KCNK10: variants seen among roughly 807,000 people sequenced by gnomAD.
KCNK10 encodes the protein potassium channel subfamily K member 10.
A neutral mutation model predicts 47.7 loss-of-function variants in KCNK10; 25 were observed. The observed-to-expected ratio is 0.52, with a 90% CI of 0.38 to 0.73. KCNK10 has a LOEUF of 0.73. Ranked by LOEUF, KCNK10 falls within the 30% of genes least tolerant of loss-of-function variation. The pLI, the probability that KCNK10 is intolerant of heterozygous loss-of-function variation, is 0.00. For missense variants in KCNK10, 563 were observed against 714.5 expected (o/e 0.79, Z 2.42); for synonymous variants, 303 against 285.6 (o/e 1.06, Z -0.61).
At chr14:88,196,293 CAGG>C (rs1432280253) in intron 4 of KCNK10, among the ~76,000 whole-genome samples, 2 of 152,150 alleles carry the variant, frequency 1.3e-5, no homozygotes, top group Non-Finnish European at 2.9e-5. Flanking sequence ...GCTTCGTAAA[CAGG>C]AGGAGAGGGA....
chr14:88,281,463 T>C (rs1015847408), intron 1 of KCNK10, among the ~76,000 whole-genome samples: 3 of 152,186 alleles, frequency 2.0e-5, no homozygotes, highest in Non-Finnish European at 4.4e-5. Flanking sequence ...ATCCTATCGG[T>C]TGGAGGCCTG....
chr14:88,275,981 G>T (rs2139767441), intron 1 of KCNK10, among the ~76,000 whole-genome samples: 1 of 152,266 alleles, frequency 6.6e-6, no homozygotes, highest in African/African-American at 2.4e-5. Flanking sequence ...TAAAGGACAG[G>T]TGCACAGAAC....
intron 3 of KCNK10, among the ~76,000 whole-genome samples, chr14:88,238,860 C>G (rs986365361): frequency 6.6e-6 from 1 of 152,100 alleles, no homozygotes; most frequent in African/African-American, 2.4e-5. Flanking sequence ...CACTGAGAAG[C>G]CACTGCAGGG....
At chr14:88,192,816 T>G (rs1422262322) in intron 4 of KCNK10, among the ~76,000 whole-genome samples, 1 of 152,162 alleles carries the variant, frequency 6.6e-6, no homozygotes, top group Admixed American at 6.5e-5. Context: ...TGAGAATGAG[T>G]TTGGAGCTCT....
At chr14:88,237,316 C>T (rs1886326219) in intron 3 of KCNK10, among the ~76,000 whole-genome samples, 1 of 152,204 alleles carries the variant, frequency 6.6e-6, no homozygotes, top group African/African-American at 2.4e-5. Flanking sequence ...GTGGCATCCT[C>T]TAGTGAAGTC....
intron 1 of KCNK10, among the ~76,000 whole-genome samples, chr14:88,320,767 C>A (rs768880040): frequency 7.9e-5 from 12 of 152,228 alleles, no homozygotes; most frequent in Non-Finnish European, 1.5e-5. Flanking sequence ...CCTACATCCA[C>A]AAGAGCCACA....
chr14:88,235,733 A>G (rs1886282008), intron 3 of KCNK10, among the ~76,000 whole-genome samples: 1 of 152,208 alleles, frequency 6.6e-6, no homozygotes, highest in Admixed American at 6.5e-5. Context: ...GACATAGAAG[A>G]TGAGCAAAGA....
intron 2 of KCNK10, 40 bp downstream of exon 2, chr14:88,263,162 C>A: frequency 6.6e-7 from 1 of 1,524,048 alleles, no homozygotes; most frequent in South Asian, 1.2e-5. Flanking sequence ...CTGCCATCCA[C>A]CCCACCAGCT....
At chr14:88,193,516 A>G (rs959591298) in intron 4 of KCNK10, among the ~76,000 whole-genome samples, 6 of 152,204 alleles carry the variant, frequency 3.9e-5, no homozygotes, top group African/African-American at 1.4e-4. Flanking sequence ...TAGCATAAAT[A>G]TATGAACGAT....
intron 4 of KCNK10, among the ~76,000 whole-genome samples, chr14:88,195,472 C>T (rs1884881378): frequency 6.6e-6 from 1 of 152,144 alleles, no homozygotes; most frequent in Admixed American, 6.5e-5. Context: ...CTTCTCTTTG[C>T]CATTGAGGAA....
At chr14:88,212,125 TATATATCGA>T (rs1566687334) in intron 4 of KCNK10, among the ~76,000 whole-genome samples, 10 of 66,898 alleles carry the variant, frequency 1.5e-4, no homozygotes, top group African/African-American at 4.6e-4. Flanking sequence ...TATATATATA[TATATATCGA>T]GAGAGAGAGA....
intron 4 of KCNK10, 76 bp downstream of exon 4, chr14:88,227,299 A>T: frequency 1.7e-6 from 2 of 1,186,780 alleles, no homozygotes; most frequent in Non-Finnish European, 2.3e-6. Context: ...TGCCCCTGAT[A>T]CTGCCTCCTG....
Position 88,261,978 on chromosome 14 carries a change from T to C in KCNK10, c.402+1224A>G, listed in dbSNP as rs138733764. Among the ~76,000 whole-genome samples, 1,308 of 152,308 alleles carry C rather than the reference T, an allele frequency of 8.6e-3. 17 individuals carry two copies. Among genetic ancestry groups the C allele is most frequent in the South Asian group, 0.017 (83 of 4,828 alleles). The stretch of plus-strand genomic sequence containing the variant: ...CATTATTAAAACTAACTGACAAGAA[T>C]ATGATTGCTATGAAGGTGCCAGATC... On this transcript the variant is annotated intron_variant, in intron 2 of 6. Coordinates refer to ENST00000319231, the MANE Select transcript of KCNK10 (RefSeq NM_138317.3).
At chr14:88,312,146 C>T (rs975181931) in intron 1 of KCNK10, among the ~76,000 whole-genome samples, 2 of 152,126 alleles carry the variant, frequency 1.3e-5, no homozygotes, top group African/African-American at 4.8e-5. Flanking sequence ...CATATTCACT[C>T]GCCTCTGCCC....
chr14:88,206,263 G>A (rs922230356), intron 4 of KCNK10, among the ~76,000 whole-genome samples: 4 of 152,122 alleles, frequency 2.6e-5, no homozygotes, highest in African/African-American at 7.2e-5. Context: ...TAGGGTGTTT[G>A]CGGTTGTCAC....
intron 1 of KCNK10, among the ~76,000 whole-genome samples, chr14:88,299,942 C>T (rs190620553): frequency 2.6e-5 from 4 of 152,292 alleles, no homozygotes; most frequent in Admixed American, 2.6e-4. Flanking sequence ...AAACCCTTCC[C>T]TAACTGGGCC....
Position 88,185,525 on chromosome 14 carries a change from T to C in KCNK10, c.*10A>G, listed in dbSNP as rs772312222. 14 of 1,609,944 alleles carry C rather than the reference T, an allele frequency of 8.7e-6. No individual in the cohort carries two copies. The highest frequency in any genetic ancestry group is 1.2e-5 in the Non-Finnish European group (14 of 1,177,222). On this transcript the variant is annotated 3_prime_UTR_variant, in exon 7 of 7. Coordinates refer to ENST00000319231, the MANE Select transcript of KCNK10 (RefSeq NM_138317.3). This position sits in a 1 kb window ranked among gnomAD's most constrained non-coding sequence, Gnocchi z 4.3. Reference sequence around the variant, plus strand: ...CACAACGCTCAGTCCAAGACCAATGTCCTTCACATTTAGTTTCTGTCTTCA... The same window carrying C: ...CACAACGCTCAGTCCAAGACCAATGCCCTTCACATTTAGTTTCTGTCTTCA...
chr14:88,267,560 C>T (rs1486522474), intron 1 of KCNK10, among the ~76,000 whole-genome samples: 5 of 151,832 alleles, frequency 3.3e-5, no homozygotes, highest in African/African-American at 7.3e-5. Flanking sequence ...TTAGTAGAGA[C>T]GGGGTTTCAC....
chr14:88,296,148 C>A (rs1462678835), intron 1 of KCNK10, among the ~76,000 whole-genome samples: 1 of 152,182 alleles, frequency 6.6e-6, no homozygotes, highest in African/African-American at 2.4e-5. Context: ...CCCTGTCTGG[C>A]TTCTGAGACC....
Sources: allele counts gnomAD v4.1 joint callset (sites outside exome capture counted in the v4.1 genomes callset), GRCh38; gene constraint gnomAD v4.1.1; non-coding constraint Gnocchi (gnomAD v3.1); transcripts MANE v1.5; gene names NCBI Gene and HGNC (gene_info 2026-07-23, HGNC 2026-07-21).